YARS1: variants seen among roughly 807,000 people sequenced by gnomAD.
The protein encoded by YARS1 is tyrosine--tRNA ligase, cytoplasmic.
YARS1 carries 36 observed loss-of-function variants against 62.2 expected under a neutral mutation model. The ratio of observed to expected loss-of-function variants is 0.58; its 90% CI spans 0.44 to 0.76. The LOEUF is 0.76. YARS1 is among the 30% of genes least tolerant of loss of function. The probability of loss-of-function intolerance (pLI) is 0.00; values close to 1 mark genes in which losing one functional copy is unlikely to be tolerated. For missense variants in YARS1, 524 were observed against 639.8 expected (o/e 0.82, Z 1.95); for synonymous variants, 234 against 244.9 (o/e 0.96, Z 0.42).
At chr1:32,808,323 G>A (rs1638508914) in intron 3 of YARS1, among the ~76,000 whole-genome samples, 1 of 151,534 alleles carries the variant, frequency 6.6e-6, no homozygotes, top group Admixed American at 6.6e-5. Context: ...GGGTTCAAGC[G>A]ATTATCCTGC....
Position 32,782,558 on chromosome 1 carries a change from C to A in YARS1, c.907-19G>T. 1 of 1,614,028 alleles carries A rather than the reference C, an allele frequency of 6.2e-7. No homozygotes were observed. The highest frequency in any genetic ancestry group is 8.5e-7 in the Non-Finnish European group (1 of 1,180,034). On this transcript the variant is annotated intron_variant, in intron 8 of 12. Coordinates refer to ENST00000373477, the MANE Select transcript of YARS1 (RefSeq NM_003680.4). ...GTACAACCTGCAGAATCGAACAAGA[C>A]CTAGTGAGATAAAGTCTAGAACAGG...
At chr1:32,807,914 G>GA (rs1638498015) in intron 3 of YARS1, among the ~76,000 whole-genome samples, 1 of 151,900 alleles carries the variant, frequency 6.6e-6, no homozygotes, top group Non-Finnish European at 1.5e-5. Context: ...CTATTTCCAT[G>GA]TTTTTTTGTT....
intron 1 of YARS1, among the ~76,000 whole-genome samples, chr1:32,816,135 T>C (rs2148619670): frequency 6.8e-6 from 1 of 147,766 alleles, no homozygotes; most frequent in African/African-American, 2.5e-5. Context: ...AAAAAGATAG[T>C]GTGATGGTTG....
At chr1:32,780,548 G>A (rs1653018990) in intron 10 of YARS1, 1 of 520,328 alleles carries the variant, frequency 1.9e-6, no homozygotes, top group Non-Finnish European at 3.5e-6. Flanking sequence ...TCTGATGCAG[G>A]AGCACCAGCA....
intron 8 of YARS1, 38 bp from the exon 9 acceptor site, chr1:32,782,577 G>T: frequency 6.2e-7 from 1 of 1,613,872 alleles, no homozygotes; most frequent in Non-Finnish European, 8.5e-7. Context: ...ATAAAGTCTA[G>T]AACAGGGCAC....
intron 1 of YARS1, 33 bp from the exon 2 acceptor site, chr1:32,811,090 C>T: frequency 6.2e-7 from 1 of 1,613,400 alleles, no homozygotes. Context: ...AGTTTAATGT[C>T]AGTGCCTCAC....
intron 10 of YARS1, 49 bp from the exon 11 acceptor site, chr1:32,780,327 A>C (rs1196830977): frequency 6.2e-7 from 1 of 1,608,800 alleles, no homozygotes; most frequent in Non-Finnish European, 8.5e-7. Flanking sequence ...CCATTAGAGA[A>C]GCAGCCTGGT....
At chr1:32,816,831 AT>A in intron 1 of YARS1, 1 of 424,996 alleles carries the variant, frequency 2.4e-6, no homozygotes, top group Non-Finnish European at 4.4e-6. Context: ...GTAATGGGTC[AT>A]TTTTAACGTC....
intron 7 of YARS1, 168 bp downstream of exon 7, chr1:32,786,772 A>G (rs1207669587): frequency 8.9e-6 from 9 of 1,011,544 alleles, no homozygotes; most frequent in East Asian, 2.6e-5. Flanking sequence ...TATATGGACA[A>G]TTAAATTACA....
At position 32,805,827 on chromosome 1, in the gene YARS1, G is replaced by A. The variant is rs1638452234; in HGVS notation, c.510+655C>T. Among the ~76,000 whole-genome samples the A allele has an allele frequency of 2.0e-5, 3 of 152,260 alleles. No homozygotes were observed. In the South Asian group the frequency reaches 6.2e-4, roughly 32 times the overall value. The stretch of plus-strand genomic sequence containing the variant: ...ATACAAAAAAAATCAGCCGGGCATG[G>A]TGGCAGGCGCCTGTAATCCCAGCTA... On this transcript the variant is annotated intron_variant, in intron 4 of 12. Coordinates refer to ENST00000373477, the MANE Select transcript of YARS1 (RefSeq NM_003680.4).
In YARS1 at chr1:32,817,328, G is replaced by A. The variant is rs1020038133; in HGVS notation, c.-84C>T. 5.1e-6 allele frequency: 8 copies of A among 1,556,188 alleles called. No homozygotes were observed. The Admixed American group carries it at 1.2e-4, about 23-fold the overall frequency. On this transcript the variant is annotated 5_prime_UTR_variant, in exon 1 of 13. Coordinates refer to ENST00000373477, the MANE Select transcript of YARS1 (RefSeq NM_003680.4). Reference sequence around the variant, plus strand: ...CCGTCGCCGCCGCGTGCCGGGAACTGTCACGCGAGTCCAGCCAGGTTGCAT... The same window carrying A: ...CCGTCGCCGCCGCGTGCCGGGAACTATCACGCGAGTCCAGCCAGGTTGCAT...
At chr1:32,798,624 C>A (rs1653678459) in intron 4 of YARS1, among the ~76,000 whole-genome samples, 1 of 152,062 alleles carries the variant, frequency 6.6e-6, no homozygotes, top group Admixed American at 6.6e-5. Context: ...ATCACTTGAG[C>A]CCGGGTGTCT....
chr1:32,788,182 G>T (rs1653298980), intron 6 of YARS1, among the ~76,000 whole-genome samples: 1 of 152,146 alleles, frequency 6.6e-6, no homozygotes, highest in African/African-American at 2.4e-5. Context: ...ACACAAAATT[G>T]TTATGAATTT....
intron 1 of YARS1, chr1:32,816,917 AG>A (rs1460982224): frequency 3.4e-6 from 2 of 587,030 alleles, no homozygotes; most frequent in African/African-American, 1.9e-5. Context: ...GGCACTTAAT[AG>A]GGGGGTGGAA....
intron 10 of YARS1, chr1:32,780,685 G>A (rs1653022952): frequency 2.4e-6 from 1 of 414,856 alleles, no homozygotes; most frequent in Non-Finnish European, 4.5e-6. Context: ...TGGGAAAAAG[G>A]AAGTCTTCCC....
At chr1:32,786,538 T>G in intron 7 of YARS1, 91 bp from the exon 8 acceptor site, 1 of 1,157,854 alleles carries the variant, frequency 8.6e-7, no homozygotes, top group Non-Finnish European at 1.3e-6. Flanking sequence ...CATGACTATT[T>G]GTAGTTTTTG....
chr1:32,789,933 G>T (rs1207576858), intron 6 of YARS1, among the ~76,000 whole-genome samples: 4 of 149,256 alleles, frequency 2.7e-5, no homozygotes, highest in Admixed American at 6.7e-5. Flanking sequence ...GCCCAGGCTG[G>T]AGTGCAACAG....
chr1:32,778,862 C>T (rs1024532210), intron 12 of YARS1, among the ~76,000 whole-genome samples: 11 of 151,746 alleles, frequency 7.2e-5, no homozygotes, highest in Admixed American at 5.9e-4. Context: ...CCTCAGCCTC[C>T]GGAGTAGCTG....
chr1:32,800,653 G>A (rs558492285), intron 4 of YARS1, among the ~76,000 whole-genome samples: 2 of 151,916 alleles, frequency 1.3e-5, no homozygotes, highest in East Asian at 1.9e-4. Context: ...GCAGTGGTGC[G>A]AGCTCCGCCT....
Sources: gnomAD v4.1 joint callset for allele counts (sites outside exome capture counted in the v4.1 genomes callset) on GRCh38, gnomAD v4.1.1 for gene constraint, MANE v1.5 for transcripts, NCBI Gene and HGNC (gene_info 2026-07-23, HGNC 2026-07-21) for gene names.